DPP10: variants seen among roughly 807,000 people sequenced by gnomAD.
The protein encoded by DPP10 is inactive dipeptidyl peptidase 10.
Under a neutral mutation model 120.9 loss-of-function variants are expected in DPP10, and 33 were observed. The observed-to-expected ratio is 0.27, with a 90% confidence interval of 0.21 to 0.37. DPP10 has a LOEUF of 0.37. Ranked by LOEUF, DPP10 falls within the 10% of genes least tolerant of loss-of-function variation. The pLI is 1.00. For synonymous variants in DPP10, 337 were observed against 326.1 expected, an observed-to-expected ratio of 1.03 and a Z score of -0.36; for missense variants, 816 against 942.8, an observed-to-expected ratio of 0.87 and a Z score of 1.76.
chr2:115,120,943 T>C (rs999279982), intron 1 of DPP10, among the ~76,000 whole-genome samples: 2 of 152,252 alleles, frequency 1.3e-5, no homozygotes, highest in East Asian at 3.8e-4. Context: ...GTTATGTTGC[T>C]GTGCAAGTAC....
At chr2:115,303,477 ACTC>A (rs2061231562) in intron 1 of DPP10, among the ~76,000 whole-genome samples, 1 of 151,628 alleles carries the variant, frequency 6.6e-6, no homozygotes, top group Non-Finnish European at 1.5e-5. Flanking sequence ...TTTTAAAAAA[ACTC>A]CTCTGATTCC....
chr2:115,498,794 ATTG>A (rs1444933057), intron 3 of DPP10, among the ~76,000 whole-genome samples: 3 of 151,302 alleles, frequency 2.0e-5, no homozygotes, highest in South Asian at 2.1e-4. Flanking sequence ...AGGCAGAGAT[ATTG>A]TTAAGATGTT....
chr2:115,282,193 T>G (rs929622857), intron 1 of DPP10, among the ~76,000 whole-genome samples: 2 of 152,084 alleles, frequency 1.3e-5, no homozygotes, highest in Non-Finnish European at 1.5e-5. Context: ...ATAACAGAAT[T>G]TAAGAAAATG....
At chr2:115,832,344 G>T (rs1413331495) in intron 21 of DPP10, among the ~76,000 whole-genome samples, 1 of 152,096 alleles carries the variant, frequency 6.6e-6, no homozygotes, top group Non-Finnish European at 1.5e-5. Context: ...ACAAAAATTA[G>T]CTGGGCACGG....
chr2:115,754,467 T>A (rs879150067), intron 11 of DPP10, among the ~76,000 whole-genome samples: 4 of 152,112 alleles, frequency 2.6e-5, no homozygotes, highest in Admixed American at 6.6e-5. Flanking sequence ...TGAAGAGATC[T>A]CCCTGAAAAC....
intron 1 of DPP10, among the ~76,000 whole-genome samples, chr2:115,306,219 G>A (rs578135658): frequency 6.6e-6 from 1 of 152,122 alleles, no homozygotes; most frequent in Admixed American, 6.6e-5. Context: ...AGAAAGGAAA[G>A]TCATATCTGG....
At chr2:115,732,400 T>G (rs557037221) in intron 8 of DPP10, among the ~76,000 whole-genome samples, 1 of 152,324 alleles carries the variant, frequency 6.6e-6, no homozygotes, top group South Asian at 2.1e-4. Context: ...AATCTTTGTC[T>G]CTATTTTTAG....
chr2:114,692,761 TC>T (rs1197226022), intron 1 of DPP10, among the ~76,000 whole-genome samples: 1 of 152,112 alleles, frequency 6.6e-6, no homozygotes, highest in Non-Finnish European at 1.5e-5. Flanking sequence ...ATCTGGGTGC[TC>T]CTGTATTGGG....
intron 1 of DPP10, among the ~76,000 whole-genome samples, chr2:114,617,192 A>T (rs1693739167): frequency 6.6e-6 from 1 of 152,094 alleles, no homozygotes; most frequent in Admixed American, 6.6e-5. Context: ...GTTTGAATGA[A>T]AACAGCCGAG....
At chr2:114,671,313 G>A (rs1337207593) in intron 1 of DPP10, among the ~76,000 whole-genome samples, 8 of 152,134 alleles carry the variant, frequency 5.3e-5, no homozygotes, top group Admixed American at 5.2e-4. Flanking sequence ...ATGTAACACT[G>A]TTGTTAAGTG....
chr2:114,953,046 A>G (rs1453556876), intron 1 of DPP10, among the ~76,000 whole-genome samples: 1 of 151,498 alleles, frequency 6.6e-6, no homozygotes. Flanking sequence ...GTAAATCATT[A>G]GGAGAGAATG....
intron 5 of DPP10, among the ~76,000 whole-genome samples, chr2:115,685,292 T>G (rs1055114384): frequency 6.6e-5 from 10 of 152,016 alleles, no homozygotes; most frequent in African/African-American, 2.4e-4. Context: ...TTTTCTAAAC[T>G]GTATAAATCA....
At chr2:115,043,365 C>G (rs1457570418) in intron 1 of DPP10, among the ~76,000 whole-genome samples, 1 of 152,138 alleles carries the variant, frequency 6.6e-6, no homozygotes, top group African/African-American at 2.4e-5. Context: ...ACTACGATCT[C>G]AAAATTAGAG....
chr2:114,735,017 T>C (rs111936908), intron 1 of DPP10, among the ~76,000 whole-genome samples: 8 of 152,264 alleles, frequency 5.3e-5, no homozygotes, highest in African/African-American at 1.9e-4. Context: ...GTATTCCTGA[T>C]ATCTCTTCCT....
intron 1 of DPP10, among the ~76,000 whole-genome samples, chr2:115,057,016 AAG>A (rs1573454085): frequency 1.3e-5 from 2 of 152,230 alleles, no homozygotes; most frequent in East Asian, 3.8e-4. Flanking sequence ...TTAAGTCTAA[AAG>A]AGGAGAACTA....
chr2:115,017,748 G>A (rs546705716), intron 1 of DPP10, among the ~76,000 whole-genome samples: 18 of 151,558 alleles, frequency 1.2e-4, no homozygotes, highest in African/African-American at 3.9e-4. Context: ...GCAAACTATC[G>A]CAAGGACAAA....
intron 1 of DPP10, among the ~76,000 whole-genome samples, chr2:115,301,725 A>G (rs1033206256): frequency 2.0e-5 from 3 of 151,802 alleles, no homozygotes; most frequent in African/African-American, 7.3e-5. Context: ...TCTGATATCA[A>G]ATCTGTTTGT....
intron 1 of DPP10, among the ~76,000 whole-genome samples, chr2:114,562,308 T>G (rs1688827073): frequency 6.6e-6 from 1 of 152,198 alleles, no homozygotes. Flanking sequence ...TCATTTCCAG[T>G]CTATTCTGAA....
intron 1 of DPP10, among the ~76,000 whole-genome samples, chr2:114,952,904 A>G (rs1016681074): frequency 1.3e-5 from 2 of 152,150 alleles, no homozygotes; most frequent in African/African-American, 4.8e-5. Flanking sequence ...AGAAGAGCCA[A>G]TTCTGTCCAT....
Sources: allele counts gnomAD v4.1 joint callset (sites outside exome capture counted in the v4.1 genomes callset), GRCh38; gene constraint gnomAD v4.1.1; transcripts MANE v1.5; gene names NCBI Gene and HGNC (gene_info 2026-07-23, HGNC 2026-07-21).